The following JMJD1C variants were observed in gnomAD, a reference collection of about 807,000 sequenced individuals.
JMJD1C encodes jumonji domain-containing protein 1C.
Under a neutral mutation model 245.3 loss-of-function variants are expected in JMJD1C, and 31 were observed. That is an observed-to-expected ratio of 0.13 (90% CI 0.09 to 0.17). The LOEUF (loss-of-function observed/expected upper bound fraction) is 0.17, where lower values mean the gene tolerates loss of function less well. JMJD1C is among the 10% of genes least tolerant of loss of function. JMJD1C has a pLI of 1.00. For synonymous variants in JMJD1C, 1,057 were observed against 1,017.4 expected, an observed-to-expected ratio of 1.04 and a Z score of -0.74; for missense variants, 2,691 against 3,000.2, an observed-to-expected ratio of 0.90 and a Z score of 2.41.
intron 10 of JMJD1C, chr10:63,202,425 G>A: frequency 1.0e-6 from 1 of 985,322 alleles, no homozygotes; most frequent in Non-Finnish European, 1.2e-6. Flanking sequence ...TCCTACCCTT[G>A]TGTTTTCTAA....
At chr10:63,515,139 G>T (rs771150526) in intron 1 of JMJD1C, among the ~76,000 whole-genome samples, 1 of 152,122 alleles carries the variant, frequency 6.6e-6, no homozygotes, top group Non-Finnish European at 1.5e-5. Context: ...GGTGGCTGGA[G>T]AGGGCTGAAG....
chr10:63,308,442 A>T (rs747564017), intron 2 of JMJD1C, among the ~76,000 whole-genome samples: 3 of 152,188 alleles, frequency 2.0e-5, no homozygotes, highest in Non-Finnish European at 4.4e-5. Flanking sequence ...GTATTTGTGG[A>T]AAGCCTCTAA....
At chr10:63,232,169 G>A (rs942284630) in intron 3 of JMJD1C, among the ~76,000 whole-genome samples, 2 of 151,876 alleles carry the variant, frequency 1.3e-5, no homozygotes, top group African/African-American at 4.8e-5. Flanking sequence ...TTTTCATACT[G>A]CTTCTTCTAA....
chr10:63,279,560 A>G (rs1857176568), intron 2 of JMJD1C, among the ~76,000 whole-genome samples: 1 of 152,182 alleles, frequency 6.6e-6, no homozygotes, highest in Non-Finnish European at 1.5e-5. Flanking sequence ...AGGGAGGCAA[A>G]GGTGGGAGGA....
chr10:63,434,452 A>C (rs762923279), intron 1 of JMJD1C, among the ~76,000 whole-genome samples: 14 of 152,186 alleles, frequency 9.2e-5, no homozygotes, highest in Admixed American at 1.3e-4. Context: ...TTGTAAGTCA[A>C]GGAGATAAGG....
intron 1 of JMJD1C, among the ~76,000 whole-genome samples, chr10:63,458,913 G>A (rs1171132682): frequency 1.3e-5 from 2 of 151,944 alleles, no homozygotes; most frequent in Non-Finnish European, 1.5e-5. Context: ...CAGTAGACAG[G>A]ATTTCACCAT....
At chr10:63,394,143 C>T (rs1008571964) in intron 1 of JMJD1C, among the ~76,000 whole-genome samples, 2 of 149,222 alleles carry the variant, frequency 1.3e-5, no homozygotes, top group Non-Finnish European at 3.0e-5. Flanking sequence ...GCCGAGACTG[C>T]ACCACTGAAC....
chr10:63,479,636 C>G (rs1411022861), intron 1 of JMJD1C, among the ~76,000 whole-genome samples: 1 of 152,124 alleles, frequency 6.6e-6, no homozygotes, highest in Non-Finnish European at 1.5e-5. Flanking sequence ...TAACTGTTCC[C>G]TCATGGTATT....
chr10:63,258,320 T>G (rs1479389260), intron 3 of JMJD1C, among the ~76,000 whole-genome samples: 2 of 152,214 alleles, frequency 1.3e-5, no homozygotes, highest in African/African-American at 4.8e-5. Context: ...CTCTTAACCA[T>G]TATGCTACAA....
chr10:63,354,586 A>G (rs994349692), intron 2 of JMJD1C, among the ~76,000 whole-genome samples: 8 of 151,788 alleles, frequency 5.3e-5, no homozygotes, highest in African/African-American at 1.9e-4. Context: ...CTTTTTCTCT[A>G]GTTTTAAAAA....
intron 1 of JMJD1C, among the ~76,000 whole-genome samples, chr10:63,494,947 C>A (rs1954307356): frequency 6.6e-6 from 1 of 152,122 alleles, no homozygotes; most frequent in African/African-American, 2.4e-5. Flanking sequence ...CCTTGATGTC[C>A]CACTTCCCTC....
At position 63,294,527 on chromosome 10, in the gene JMJD1C, G is replaced by A. The variant is rs756125074; in HGVS notation, c.334-29763C>T. ...TCTCCATCTCTTGACCTCGTGATCCGCCCGCCTTGGCCTCCCAAAGTGCTG... is the reference window on the plus strand; with the variant it reads ...TCTCCATCTCTTGACCTCGTGATCCACCCGCCTTGGCCTCCCAAAGTGCTG... On this transcript the variant is annotated intron_variant, in intron 2 of 25. Transcript: ENST00000399262. Among the ~76,000 whole-genome samples, 9 of 152,090 alleles carry A rather than the reference G, an allele frequency of 5.9e-5. No individual in the cohort carries two copies. In the East Asian group the frequency reaches 1.7e-3, roughly 29 times the overall value.
chr10:63,280,968 T>C (rs958188424), intron 2 of JMJD1C, among the ~76,000 whole-genome samples: 1 of 151,832 alleles, frequency 6.6e-6, no homozygotes, highest in Non-Finnish European at 1.5e-5. Flanking sequence ...TTTTCTTTTT[T>C]TTTTTTTGAG....
intron 1 of JMJD1C, among the ~76,000 whole-genome samples, chr10:63,476,367 C>G (rs1042002640): frequency 3.9e-5 from 6 of 151,914 alleles, no homozygotes; most frequent in African/African-American, 1.5e-4. Flanking sequence ...AACACCTTAG[C>G]AGAACAAGAG....
At chr10:63,420,134 CA>C (rs35888793) in intron 1 of JMJD1C, among the ~76,000 whole-genome samples, 190 of 135,206 alleles carry the variant, frequency 1.4e-3, no homozygotes, top group Middle Eastern at 4.0e-3. Context: ...GACGCTGTCT[CA>C]AAAAAAAAAA....
chr10:63,414,160 G>C (rs181123213), intron 1 of JMJD1C, among the ~76,000 whole-genome samples: 1 of 151,534 alleles, frequency 6.6e-6, no homozygotes, highest in South Asian at 2.1e-4. Context: ...CTAATTTTTT[G>C]TATTTTTAGT....
intron 2 of JMJD1C, among the ~76,000 whole-genome samples, chr10:63,302,272 G>A (rs1860191942): frequency 6.6e-6 from 1 of 152,172 alleles, no homozygotes; most frequent in African/African-American, 2.4e-5. Flanking sequence ...ATGAATAAAT[G>A]CATGTAGACT....
rs749858636 is a variant in JMJD1C at position 63,465,744 on chromosome 10, G to C, written c.-82C>G. The C allele has an allele frequency of 6.7e-7, 1 of 1,496,758 alleles. No individual in the cohort carries two copies. Among genetic ancestry groups the C allele is most frequent in the Non-Finnish European group, 9.1e-7 (1 of 1,093,534 alleles). The allele number at this position is 1,496,758 out of a possible 1,614,324, so 92.7% of individuals were successfully genotyped here. ...CTCACTCCTACCGGCCGCTCATGCT[G>C]AGGAGAGCGGACCGGGACACAGCAG... is the stretch of plus-strand genomic sequence containing the variant. On this transcript the variant is annotated 5_prime_UTR_variant, in exon 1 of 26. Transcript: ENST00000399262.
rs139681279 is a variant in JMJD1C at position 63,203,813 on chromosome 10, C to T, written c.5074+2782G>A. The T allele has an allele frequency of 2.0e-4, 191 of 962,344 alleles. No homozygotes were observed. In the East Asian group the frequency reaches 0.014, roughly 69 times the overall value. 59.6% of individuals were successfully genotyped at this position (962,344 alleles called of 1,614,324 possible). ...AAAATATATAATTATACATGTATAA[C>T]GGTGTATGTAATCATATTACATAGT... On this transcript the variant is annotated intron_variant, in intron 10 of 25. Coordinates refer to ENST00000399262, the MANE Select transcript of JMJD1C (RefSeq NM_032776.3).
Sources: gnomAD v4.1 joint callset for allele counts (sites outside exome capture counted in the v4.1 genomes callset) on GRCh38, gnomAD v4.1.1 for gene constraint, MANE v1.5 for transcripts, NCBI Gene and HGNC (gene_info 2026-07-23, HGNC 2026-07-21) for gene names.